The following KIAA1210 variants were observed in gnomAD, a reference collection of about 807,000 sequenced individuals.
The protein encoded by KIAA1210 is acrosomal protein KIAA1210.
In KIAA1210, 48 loss-of-function variants were observed where a neutral mutation model predicts 78.9. That is an observed-to-expected ratio of 0.61 (90% CI 0.48 to 0.77). KIAA1210 has a LOEUF of 0.77. Among genes scored for constraint, KIAA1210 ranks in the 30% least tolerant of loss-of-function variants. KIAA1210 has a pLI of 0.00. For missense variants in KIAA1210, 1,108 were observed against 1,100.0 expected, an observed-to-expected ratio of 1.01 and a Z score of -0.10; for synonymous variants, 406 against 404.5, an observed-to-expected ratio of 1.00 and a Z score of -0.04.
At chrX:119,113,304 A>AT (rs1928142261) in intron 3 of KIAA1210, among the ~76,000 whole-genome samples, 1 of 111,851 alleles carries the variant, frequency 8.9e-6, no homozygotes, top group African/African-American at 3.2e-5. Context: ...AAAACGTTGA[A>AT]TTTTACCGTT....
chrX:119,082,918 A>T, intron 11 of KIAA1210, 97 bp downstream of exon 11: 1 of 498,221 alleles, frequency 2.0e-6, no homozygotes, highest in Non-Finnish European at 3.3e-6. Flanking sequence ...AAGCTGACTT[A>T]AGGTAAGAGA....
In KIAA1210 at chrX:119,088,559, C is replaced by T. The variant is rs781771422; in HGVS notation, c.2143G>A (p.Val715Ile). 1 of 1,211,150 alleles carries T rather than the reference C, an allele frequency of 8.3e-7. No homozygotes were observed. The highest frequency in any genetic ancestry group is 1.1e-6 in the Non-Finnish European group (1 of 895,221). ...ALGKPKNQQE[V>I]SSASNNTPEE... is the part of the protein sequence containing the mutation. ...GGAGTATTATTTGAAGCAGAGGAGA[C>T]TTCTTGTTGGTTTTTGGGCTTTCCC... Residue 715 changes from valine (V) to isoleucine (I), a missense_variant, in exon 9 of 12, where the codon GTC (valine) becomes ATC (isoleucine). Physicochemically the swap from Val to Ile is conservative, Grantham distance 29. Transcript: ENST00000691062.
chrX:119,120,853 T>C (rs1283162692), intron 2 of KIAA1210, among the ~76,000 whole-genome samples: 1 of 111,492 alleles, frequency 9.0e-6, no homozygotes, highest in East Asian at 2.8e-4. Flanking sequence ...CACGGAGAGA[T>C]GGTAACTGCC....
intron 8 of KIAA1210, among the ~76,000 whole-genome samples, chrX:119,092,421 C>T (rs1183897115): frequency 8.9e-6 from 1 of 112,029 alleles, no homozygotes; most frequent in Non-Finnish European, 1.9e-5. Flanking sequence ...ACCATGGATA[C>T]TGACTCAGTT....
intron 2 of KIAA1210, among the ~76,000 whole-genome samples, chrX:119,139,351 C>T: frequency 8.9e-6 from 1 of 111,749 alleles, no homozygotes; most frequent in Non-Finnish European, 1.9e-5. Flanking sequence ...GATTAATAGA[C>T]ATTGGAGCCT....
At position 119,108,475 on chromosome X, in the gene KIAA1210, T is replaced by C; in HGVS notation, c.358-4A>G. The C allele has an allele frequency of 8.3e-7, 1 of 1,198,911 alleles. No homozygotes were observed. The stretch of plus-strand genomic sequence containing the variant: ...GAGTTCTGGAAATATGGGATCTCTG[T>C]GTAAGAGAGAGAGAAAAAAACTTGA... On this transcript the variant is annotated splice_polypyrimidine_tract_variant and splice_region_variant and intron_variant, in intron 4 of 11. Coordinates refer to ENST00000691062, the MANE Select transcript of KIAA1210 (RefSeq NM_001394962.1).
intron 2 of KIAA1210, among the ~76,000 whole-genome samples, chrX:119,143,649 C>T (rs931738027): frequency 8.9e-6 from 1 of 112,356 alleles, no homozygotes; most frequent in Non-Finnish European, 1.9e-5. Flanking sequence ...ATACCAACAG[C>T]AGAAACTTTC....
rs1456226017 is a variant in KIAA1210, at chrX:119,105,888, G to A, written c.493-741C>T. Among the ~76,000 whole-genome samples the A allele has an allele frequency of 2.7e-5, 3 of 111,742 alleles. No individual in the cohort carries two copies. The Admixed American group carries it at 2.9e-4, about 11-fold the overall frequency. On this transcript the variant is annotated intron_variant, in intron 5 of 11. Transcript: ENST00000691062. ...CCTCTTGATGTGGGTCAGAATCCCT[G>A]CTTTTTATCTTTAACAAATACTGGC...
intron 2 of KIAA1210, among the ~76,000 whole-genome samples, chrX:119,141,134 T>C (rs1929041754): frequency 9.0e-6 from 1 of 111,413 alleles, no homozygotes; most frequent in Non-Finnish European, 1.9e-5. Flanking sequence ...CTTTCCTTTC[T>C]CCCATGGGCT....
At chrX:119,150,600 T>C, upstream of KIAA1210, 1 of 1,182,319 alleles carries the variant, frequency 8.5e-7, no homozygotes, top group Non-Finnish European at 1.1e-6. Context: ...AGAGTTGACC[T>C]GTCTCTGTGT....
At position 119,086,946 on chromosome X, in the gene KIAA1210, T is replaced by A. The variant is rs762971128; in HGVS notation, c.3756A>T (p.Lys1252Asn). The A allele has an allele frequency of 1.7e-6, 2 of 1,211,213 alleles. No homozygotes were observed. Among genetic ancestry groups the A allele is most frequent in the Non-Finnish European group, 2.2e-6 (2 of 895,292 alleles). The change falls in exon 9 of 12, where the codon AAA (lysine) becomes AAT (asparagine). Residue 1252 changes from lysine (K) to asparagine (N), a missense_variant. Around this residue, in one of 5 missense-constraint regions of KIAA1210, gnomAD observed 245 missense variants for 278.8 expected, o/e 0.88. Coordinates refer to ENST00000691062, the MANE Select transcript of KIAA1210 (RefSeq NM_001394962.1). ...CAGGAGCAATGGTGAACTTCCCAGG[T>A]TTGGTAGCAGGGGCTGGAATGCTCT... ...PIKSIPAPAT[K>N]PGKFTIAPVR... is the part of the protein sequence containing the mutation.
At chrX:119,125,735 A>ATATATATAT (rs5903546) in intron 1 of KIAA1210, among the ~76,000 whole-genome samples, 4 of 15,792 alleles carry the variant, frequency 2.5e-4, no homozygotes, top group Admixed American at 1.5e-3. Flanking sequence ...ATATATATAT[A>ATATATATAT]TTTTTTTTTT....
chrX:119,133,350 G>T (rs192131833), intron 2 of KIAA1210, among the ~76,000 whole-genome samples: 1 of 111,661 alleles, frequency 9.0e-6, no homozygotes, highest in East Asian at 2.8e-4. Flanking sequence ...TACTCCACGA[G>T]TCCACCAGTA....
chrX:119,134,842 C>T (rs1347460265), intron 2 of KIAA1210, among the ~76,000 whole-genome samples: 2 of 112,366 alleles, frequency 1.8e-5, no homozygotes, highest in Non-Finnish European at 3.8e-5. Flanking sequence ...CCTATTCCAT[C>T]TTACAATCCA....
chrX:119,118,139 G>A (rs944524669), intron 2 of KIAA1210, among the ~76,000 whole-genome samples: 2 of 112,008 alleles, frequency 1.8e-5, no homozygotes, highest in South Asian at 7.5e-4. Flanking sequence ...GAAGGGTCCA[G>A]ACAAGGGAGT....
chrX:119,131,786 G>T (rs1367510146), upstream of KIAA1210, among the ~76,000 whole-genome samples: 1 of 112,028 alleles, frequency 8.9e-6, no homozygotes, highest in East Asian at 2.8e-4. Flanking sequence ...AAGAAACCAG[G>T]GACCTCAGGC....
intron 10 of KIAA1210, among the ~76,000 whole-genome samples, chrX:119,084,473 A>G (rs974786476): frequency 8.9e-6 from 1 of 112,423 alleles, no homozygotes; most frequent in Admixed American, 9.4e-5. Context: ...TTCCATTTAT[A>G]AAAATATATA....
intron 1 of KIAA1210, among the ~76,000 whole-genome samples, chrX:119,125,097 A>G (rs924564818): frequency 1.8e-5 from 2 of 111,612 alleles, no homozygotes; most frequent in African/African-American, 6.5e-5. Flanking sequence ...AATACAAATA[A>G]TCACATATGA....
At chrX:119,111,459 C>T (rs1022837883) in intron 3 of KIAA1210, among the ~76,000 whole-genome samples, 2 of 111,284 alleles carry the variant, frequency 1.8e-5, no homozygotes, top group Admixed American at 1.9e-4. Flanking sequence ...TTTGCAGGGA[C>T]ATGGATGAAG....
Sources: gnomAD v4.1 joint callset for allele counts (sites outside exome capture counted in the v4.1 genomes callset) on GRCh38, gnomAD v4.1.1 for gene constraint, gnomAD v4.1.1 regional missense constraint, MANE v1.5 for transcripts, NCBI Gene and HGNC (gene_info 2026-07-23, HGNC 2026-07-21) for gene names.